The following METAP1D variants were observed in gnomAD, a reference collection of about 807,000 sequenced individuals.
METAP1D encodes the protein methionyl aminopeptidase type 1D, mitochondrial.
In METAP1D, 31 loss-of-function variants were observed where a neutral mutation model predicts 40.5. That is an observed-to-expected ratio of 0.77 (90% CI 0.58 to 1.03). The LOEUF is 1.03. Among genes scored for constraint, METAP1D ranks in the 50% least tolerant of loss-of-function variants. METAP1D has a pLI of 0.00. For missense variants in METAP1D, 411 were observed against 420.7 expected (o/e 0.98, Z 0.20); for synonymous variants, 151 against 146.4 (o/e 1.03, Z -0.22).
intron 1 of METAP1D, among the ~76,000 whole-genome samples, chr2:172,008,331 CTTTA>C (rs1437047758): frequency 1.3e-5 from 2 of 152,174 alleles, no homozygotes; most frequent in South Asian, 4.1e-4. Flanking sequence ...ATTACTCCTT[CTTTA>C]TTTATCAGCT....
At position 172,081,750 on chromosome 2, in the gene METAP1D, A is replaced by G. The variant is rs574075268; in HGVS notation, c.*1344A>G. ...CTGAAGCGGGTTTTGCAAAGCTGAC[A>G]TCCCTTAAAGATAACTTGGGCTTTC... On this transcript the variant is annotated 3_prime_UTR_variant, in exon 10 of 10. Transcript: ENST00000315796. The G allele has an allele frequency of 6.6e-6, 1 of 152,396 alleles. No individual in the cohort carries two copies. The highest frequency in any genetic ancestry group is 2.1e-4 in the South Asian group (1 of 4,828). 9.4% of individuals were successfully genotyped at this position (152,396 alleles called of 1,614,324 possible). A position where few individuals can be genotyped will look rare whatever the true frequency, so the allele number is the denominator to read the frequency against.
chr2:172,045,813 G>GTATA (rs1343452255), intron 1 of METAP1D, among the ~76,000 whole-genome samples: 36 of 39,364 alleles, frequency 9.1e-4, no homozygotes, highest in East Asian at 4.6e-3. Context: ...GTGTGTGTGT[G>GTATA]TGTGTGTATA....
chr2:171,999,974 C>A lies in METAP1D; in HGVS notation c.5C>A (p.Ala2Glu). M[A>E]APSGVHLLVR... ...GGCCACGTGACCGACGCCAACATGG[C>A]GGCGCCCAGTGGCGTCCACCTGCTC... Residue 2 changes from alanine (A) to glutamate (E), a missense_variant, in exon 1 of 10, where the codon GCG becomes GAG. Coordinates refer to ENST00000315796, the MANE Select transcript of METAP1D (RefSeq NM_199227.3). 1 of 1,362,466 alleles carries A rather than the reference C, an allele frequency of 7.3e-7. No homozygotes were observed. Among genetic ancestry groups the A allele is most frequent in the Non-Finnish European group, 9.5e-7 (1 of 1,050,620 alleles). The allele number at this position is 1,362,466 out of a possible 1,614,324, so 84.4% of individuals were successfully genotyped here. A position where few individuals can be genotyped will look rare whatever the true frequency, so the allele number is the denominator to read the frequency against.
intron 1 of METAP1D, among the ~76,000 whole-genome samples, chr2:172,020,443 C>A (rs906557000): frequency 3.3e-5 from 5 of 152,092 alleles, no homozygotes; most frequent in African/African-American, 9.7e-5. Flanking sequence ...TTCTTTCGTG[C>A]CCACAATAAG....
chr2:172,036,144 C>T (rs1011444041), intron 1 of METAP1D, among the ~76,000 whole-genome samples: 8 of 151,298 alleles, frequency 5.3e-5, no homozygotes, highest in South Asian at 4.2e-4. Flanking sequence ...GGTGAAACCC[C>T]GTCTCTACTA....
chr2:172,074,653 A>G (rs1690501864), intron 6 of METAP1D, among the ~76,000 whole-genome samples: 1 of 152,212 alleles, frequency 6.6e-6, no homozygotes, highest in African/African-American at 2.4e-5. Context: ...TGGCTTTCAA[A>G]AATATTACTA....
At chr2:172,037,489 A>G (rs1049089195) in intron 1 of METAP1D, among the ~76,000 whole-genome samples, 1 of 152,186 alleles carries the variant, frequency 6.6e-6, no homozygotes, top group African/African-American at 2.4e-5. Flanking sequence ...CCTATGAGTG[A>G]TAGCTCAATT....
At chr2:172,053,097 CTATT>C (rs1689921409) in intron 1 of METAP1D, among the ~76,000 whole-genome samples, 1 of 152,196 alleles carries the variant, frequency 6.6e-6, no homozygotes, top group African/African-American at 2.4e-5. Flanking sequence ...GTGATGCAGA[CTATT>C]TAATTTTTCT....
intron 1 of METAP1D, among the ~76,000 whole-genome samples, chr2:172,057,854 T>C (rs796192330): frequency 3.3e-5 from 5 of 152,146 alleles, no homozygotes; most frequent in African/African-American, 1.2e-4. Context: ...CCTAGTACAG[T>C]AATTGAGGCA....
At chr2:172,039,154 G>A (rs1689459490) in intron 1 of METAP1D, among the ~76,000 whole-genome samples, 1 of 152,056 alleles carries the variant, frequency 6.6e-6, no homozygotes, top group African/African-American at 2.4e-5. Context: ...AGTGGGAATG[G>A]GACTTTCTTT....
intron 1 of METAP1D, among the ~76,000 whole-genome samples, chr2:172,034,544 A>G (rs541967083): frequency 2.6e-5 from 4 of 152,276 alleles, no homozygotes; most frequent in African/African-American, 9.6e-5. Flanking sequence ...GTTACTTTGT[A>G]AATTGCCACA....
In METAP1D at chr2:172,082,233, G is replaced by A. The variant is rs1690735840; in HGVS notation, c.*1827G>A. On this transcript the variant is annotated 3_prime_UTR_variant, in exon 10 of 10. Transcript: ENST00000315796. ...AGAATGACTTCAGTTTTCTCCTAAGGCAATCAGATTGCAACCATTAGCATT... is the reference window on the plus strand; with the variant it reads ...AGAATGACTTCAGTTTTCTCCTAAGACAATCAGATTGCAACCATTAGCATT... 6.6e-6 allele frequency: 1 copy of A among 152,054 alleles called. No individual in the cohort carries two copies. Among genetic ancestry groups the A allele is most frequent in the African/African-American group, 2.4e-5 (1 of 41,360 alleles). 9.4% of individuals were successfully genotyped at this position (152,054 alleles called of 1,614,324 possible). A position where few individuals can be genotyped will look rare whatever the true frequency, so the allele number is the denominator to read the frequency against.
At chr2:172,061,871 A>T (rs951445999) in intron 2 of METAP1D, 6 of 338,470 alleles carry the variant, frequency 1.8e-5, no homozygotes, top group Non-Finnish European at 2.6e-5. Flanking sequence ...TCAATTGCTT[A>T]GAGTATTTAG....
rs1361305682 is a variant in METAP1D at position 172,042,717 on chromosome 2, ATG to A, written c.41-18777_41-18776del. 7.0e-4 allele frequency among the ~76,000 whole-genome samples: 12 copies of A among 17,122 alleles called. 5 individuals are homozygous for A. Among genetic ancestry groups the A allele is most frequent in the Non-Finnish European group, 1.3e-3 (8 of 6,178 alleles). The allele number at this position is 17,122 out of a possible 152,430, so 11.2% of individuals were successfully genotyped here. On this transcript the variant is annotated intron_variant, in intron 1 of 9. Coordinates refer to ENST00000315796, the MANE Select transcript of METAP1D (RefSeq NM_199227.3). ...TACACATATACGTGTGTGTGTGTAT[ATG>A]TGTACACATATACGTGTGTGTGTGT...
chr2:172,014,020 A>G (rs541256225), intron 1 of METAP1D, among the ~76,000 whole-genome samples: 36 of 151,558 alleles, frequency 2.4e-4, no homozygotes, highest in Non-Finnish European at 4.7e-4. Flanking sequence ...ACGGGGTTTC[A>G]CCATATTGGC....
chr2:172,057,520 G>A (rs1189188049), intron 1 of METAP1D, among the ~76,000 whole-genome samples: 1 of 152,200 alleles, frequency 6.6e-6, no homozygotes, highest in Non-Finnish European at 1.5e-5. Context: ...TTTGGTCAGC[G>A]AAGGCAGCTT....
In METAP1D at chr2:172,044,279, G is replaced by A. The variant is rs1377233435; in HGVS notation, c.41-17219G>A. On this transcript the variant is annotated intron_variant, in intron 1 of 9. Transcript: ENST00000315796. Reference sequence around the variant, plus strand: ...AATACTCTTAAAAATAAGTCAGGTGGGCTGGGCACGGTGGCTCACACCTGT... The same window carrying A: ...AATACTCTTAAAAATAAGTCAGGTGAGCTGGGCACGGTGGCTCACACCTGT... Among the ~76,000 whole-genome samples the A allele has an allele frequency of 5.4e-5, 7 of 129,300 alleles. 2 individuals carry two copies. The highest frequency in any genetic ancestry group is 1.3e-4 in the Non-Finnish European group (7 of 55,570). The allele number at this position is 129,300 out of a possible 152,430, so 84.8% of individuals were successfully genotyped here.
At position 172,044,875 on chromosome 2, in the gene METAP1D, C is replaced by T. The variant is rs1021457086; in HGVS notation, c.41-16623C>T. ...CTGCACTCCAGCCTGGGTGACAGAA[C>T]GAGACTTTATCTCAAAAAAAATAAA... On this transcript the variant is annotated intron_variant, in intron 1 of 9. Transcript: ENST00000315796. Among the ~76,000 whole-genome samples the T allele has an allele frequency of 1.1e-4, 14 of 122,822 alleles. 2 individuals carry two copies. The highest frequency in any genetic ancestry group is 2.6e-4 in the African/African-American group (10 of 38,560). 80.6% of individuals were successfully genotyped at this position (122,822 alleles called of 152,430 possible).
At chr2:172,057,730 A>C (rs893255865) in intron 1 of METAP1D, among the ~76,000 whole-genome samples, 1 of 152,172 alleles carries the variant, frequency 6.6e-6, no homozygotes. Flanking sequence ...CAGCTTTGGC[A>C]CTTACTGCAT....
Sources: allele counts gnomAD v4.1 joint callset (sites outside exome capture counted in the v4.1 genomes callset), GRCh38; gene constraint gnomAD v4.1.1; transcripts MANE v1.5; gene names NCBI Gene and HGNC (gene_info 2026-07-23, HGNC 2026-07-21).